Variants in RPLP2 observed in about 807,000 individuals in gnomAD.
The protein encoded by RPLP2 is ribosomal protein lateral stalk subunit P2.
In RPLP2, 1 loss-of-function variant was observed where a neutral mutation model predicts 11.5. That is an observed-to-expected ratio of 0.09 (90% confidence interval 0.03 to 0.41). The LOEUF (loss-of-function observed/expected upper bound fraction) is 0.41, where lower values mean the gene tolerates loss of function less well. RPLP2 is among the 10% of genes least tolerant of loss of function. The probability of loss-of-function intolerance (pLI) is 0.98; values close to 1 mark genes in which losing one functional copy is unlikely to be tolerated. For missense variants in RPLP2, 177 were observed against 145.6 expected (o/e 1.22, Z -1.11); for synonymous variants, 82 against 55.9 (o/e 1.47, Z -2.08).
chr11:812,282 G>A, intron 3 of RPLP2: 1 of 547,936 alleles, frequency 1.8e-6, no homozygotes, highest in South Asian at 2.0e-5. Context: ...GTGGAGGTGG[G>A]GAAATTGGGC....
At chr11:810,418 T>C (rs1455564604) in intron 2 of RPLP2, 61 bp downstream of exon 2, 3 of 1,506,804 alleles carry the variant, frequency 2.0e-6, no homozygotes, top group Admixed American at 1.9e-5. Flanking sequence ...CAGGCGATTC[T>C]TCTGCCTGAT....
At chr11:811,443 G>A (rs560266546) in intron 2 of RPLP2, 154 bp from the exon 3 acceptor site, 2 of 754,908 alleles carry the variant, frequency 2.6e-6, no homozygotes, top group South Asian at 3.4e-5. Context: ...CACTTCCCAA[G>A]TGAGGCTGGT....
chr11:812,235 C>T (rs1281438829), intron 3 of RPLP2: 1 of 468,136 alleles, frequency 2.1e-6, no homozygotes, highest in East Asian at 4.1e-5. Flanking sequence ...CATTCCCTAC[C>T]TAGTTATGAA....
At chr11:810,089 T>G in intron 1 of RPLP2, 50 bp downstream of exon 1, 1 of 1,003,972 alleles carries the variant, frequency 1.0e-6, no homozygotes, top group Non-Finnish European at 1.3e-6. Context: ...GCGGAGTCCG[T>G]GGGGATGCGG....
In RPLP2 at chr11:810,221, C is replaced by T. The variant is rs768757273; in HGVS notation, c.-1-13C>T. On this transcript the variant is annotated splice_polypyrimidine_tract_variant and intron_variant, in intron 1 of 4. Coordinates refer to ENST00000321153, the MANE Select transcript of RPLP2 (RefSeq NM_001004.4). ...GGGTAACTCCGCCGTCGCGTCCTCTCCGCCCGCCTCAGGATGCGCTACGTC... is the reference window on the plus strand; with the variant it reads ...GGGTAACTCCGCCGTCGCGTCCTCTTCGCCCGCCTCAGGATGCGCTACGTC... The T allele has an allele frequency of 3.3e-6, 5 of 1,533,860 alleles. No homozygotes were observed. Among genetic ancestry groups the T allele is most frequent in the African/African-American group, 2.8e-5 (2 of 71,260 alleles).
At chr11:811,707 A>T (rs1175631143) in intron 3 of RPLP2, 62 bp downstream of exon 3, 5 of 1,607,188 alleles carry the variant, frequency 3.1e-6, no homozygotes, top group Non-Finnish European at 4.3e-6. Context: ...CTGCCGGTCC[A>T]TCTGTGGCCT....
At chr11:810,392 G>C in intron 2 of RPLP2, 35 bp downstream of exon 2, 8 of 1,596,140 alleles carry the variant, frequency 5.0e-6, no homozygotes, top group Non-Finnish European at 6.0e-6. Flanking sequence ...CCGCCGTGGG[G>C]CCCCAGTGTC....
intron 3 of RPLP2, 77 bp from the exon 4 acceptor site, chr11:812,446 TGTGCCATCTCTG>T (rs1314915609): frequency 7.7e-6 from 12 of 1,548,970 alleles, no homozygotes; most frequent in Non-Finnish European, 1.1e-5. Flanking sequence ...TTGGGTGCCA[TGTGCCATCTCTG>T]GTGCCATCTA....
At chr11:811,734 G>C in intron 3 of RPLP2, 89 bp downstream of exon 3, 4 of 1,535,748 alleles carry the variant, frequency 2.6e-6, no homozygotes, top group Non-Finnish European at 3.6e-6. Flanking sequence ...TTTCGCTTGT[G>C]GACCAGAGCA....
chr11:811,617 A>T lies in RPLP2; in HGVS notation c.144A>T (p.Gly48=). 6.2e-7 allele frequency: 1 copy of T among 1,614,172 alleles called. No individual in the cohort carries two copies. Reference sequence around the variant, plus strand: ...TTCAGGTTATCAGTGAGCTGAATGGAAAAAACATTGAAGACGTCATTGCCC... The same window carrying T: ...TTCAGGTTATCAGTGAGCTGAATGGTAAAAACATTGAAGACGTCATTGCCC... The part of the protein sequence containing the change: ...RLNKVISELN[G]KNIEDVIAQG... The change falls in exon 3 of 5, where the codon GGA becomes GGT. Residue 48 remains glycine, a synonymous_variant. Transcript: ENST00000321153.
chr11:812,461 G>A (rs1866091790), intron 3 of RPLP2, 74 bp from the exon 4 acceptor site: 1 of 1,585,352 alleles, frequency 6.3e-7, no homozygotes, highest in Non-Finnish European at 8.6e-7. Flanking sequence ...CATCTCTGGT[G>A]CCATCTAACT....
At chr11:810,431 G>A (rs1865995289) in intron 2 of RPLP2, 74 bp downstream of exon 2, 5 of 1,424,968 alleles carry the variant, frequency 3.5e-6, no homozygotes, top group Non-Finnish European at 4.8e-6. Context: ...TGCCTGATCC[G>A]GCCACATGCT....
intron 3 of RPLP2, 199 bp downstream of exon 3, chr11:811,844 T>A (rs1268378390): frequency 1.3e-6 from 1 of 784,662 alleles, no homozygotes; most frequent in Non-Finnish European, 2.3e-6. Context: ...GGGCACCCTG[T>A]GTTCTCAGCA....
chr11:811,943 A>T (rs1866080118), intron 3 of RPLP2: 1 of 628,980 alleles, frequency 1.6e-6, no homozygotes, highest in Non-Finnish European at 2.9e-6. Context: ...GTGTCTGGAG[A>T]ACTGAGTTCA....
intron 2 of RPLP2, chr11:811,246 C>T: frequency 3.0e-6 from 1 of 333,222 alleles, no homozygotes; most frequent in South Asian, 2.9e-5. Flanking sequence ...TCACTTGAGC[C>T]CGGGAGGTCA....
chr11:812,853 A>C lies in RPLP2; in HGVS notation c.*17A>C, dbSNP rs1233851052. 3 of 1,612,090 alleles carry C rather than the reference A, an allele frequency of 1.9e-6. No individual in the cohort carries two copies. In the South Asian group the frequency reaches 3.3e-5, roughly 18 times the overall value. ...TTTGATTAAATTCCTGCTCCCCTGC[A>C]AATAAAGCCTTTTTACACATCTCTC... is the stretch of plus-strand genomic sequence containing the variant. On this transcript the variant is annotated 3_prime_UTR_variant, in exon 5 of 5. Coordinates refer to ENST00000321153, the MANE Select transcript of RPLP2 (RefSeq NM_001004.4).
At position 810,316 on chromosome 11, in the gene RPLP2, G is replaced by A; in HGVS notation, c.82G>A (p.Asp28Asn). Residue 28 changes from aspartate to asparagine, a missense_variant, in exon 2 of 5, where the codon GAC (aspartate) becomes AAC (asparagine). Coordinates refer to ENST00000321153, the MANE Select transcript of RPLP2 (RefSeq NM_001004.4). ...PSAKDIKKIL[D>N]SVGIEADDDR... is the part of the protein sequence containing the mutation. The stretch of plus-strand genomic sequence containing the variant: ...CGCCAAGGACATCAAGAAGATCTTG[G>A]ACAGCGTGGGTATCGAGGCGGACGA... 1.2e-6 allele frequency: 2 copies of A among 1,609,382 alleles called. No homozygotes were observed. Among genetic ancestry groups the A allele is most frequent in the Non-Finnish European group, 1.7e-6 (2 of 1,178,480 alleles).
chr11:811,728 G>T (rs766482774), intron 3 of RPLP2, 83 bp downstream of exon 3: 11 of 1,577,984 alleles, frequency 7.0e-6, no homozygotes, highest in Non-Finnish European at 9.6e-6. Context: ...GCCAGGTTTC[G>T]CTTGTGGACC....
In RPLP2 at chr11:810,039, C is replaced by T; in HGVS notation, c.-2C>T. 3.5e-6 allele frequency: 2 copies of T among 574,652 alleles called. No homozygotes were observed. Among genetic ancestry groups the T allele is most frequent in the East Asian group, 3.6e-5 (1 of 27,770 alleles). The allele number at this position is 574,652 out of a possible 1,614,324, so 35.6% of individuals were successfully genotyped here. ...GCCGCCTCCGCCGCAGACGCCGCCG[C>T]GTGAGTGTGGTGACCGGGCCCGGGG... On this transcript the variant is annotated splice_region_variant and 5_prime_UTR_variant, in exon 1 of 5. Coordinates refer to ENST00000321153, the MANE Select transcript of RPLP2 (RefSeq NM_001004.4).
Sources: allele counts gnomAD v4.1 joint callset, GRCh38; gene constraint gnomAD v4.1.1; transcripts MANE v1.5; gene names NCBI Gene and HGNC (gene_info 2026-07-23, HGNC 2026-07-21).